DLC1: variants seen among roughly 807,000 people sequenced by gnomAD.
DLC1 encodes the protein rho GTPase-activating protein 7.
In DLC1, 54 loss-of-function variants were observed where a neutral mutation model predicts 140.3. That is an observed-to-expected ratio of 0.38 (90% CI 0.31 to 0.48). The LOEUF (loss-of-function observed/expected upper bound fraction) is 0.48, where lower values mean the gene tolerates loss of function less well. Among genes scored for constraint, DLC1 ranks in the 20% least tolerant of loss-of-function variants. The pLI, the probability that DLC1 is intolerant of heterozygous loss-of-function variation, is 0.96. For missense variants in DLC1, 2,536 were observed against 1,907.0 expected (o/e 1.33, Z -6.14); for synonymous variants, 986 against 728.1 (o/e 1.35, Z -5.70).
rs569239485 is a variant in DLC1 at position 13,206,877 on chromosome 8, C to G, written c.1349-91220G>C. Among the ~76,000 whole-genome samples the G allele has an allele frequency of 9.1e-4, 139 of 152,046 alleles. 1 individual carries two copies. The highest frequency in any genetic ancestry group is 7.1e-3 in the East Asian group (37 of 5,176). ...TTACTAATTTTTTTTTTACAAAAATCAAATAACTCAAATTTACTGACATTT... is the reference window on the plus strand; with the variant it reads ...TTACTAATTTTTTTTTTACAAAAATGAAATAACTCAAATTTACTGACATTT... On this transcript the variant is annotated intron_variant, in intron 5 of 17. Coordinates refer to ENST00000276297, the MANE Select transcript of DLC1 (RefSeq NM_182643.3).
intron 4 of DLC1, among the ~76,000 whole-genome samples, chr8:13,329,006 G>A (rs1191861377): frequency 6.6e-6 from 1 of 152,162 alleles, no homozygotes; most frequent in Non-Finnish European, 1.5e-5. Context: ...AGTTGAAGAG[G>A]AAGCTGGAGG....
chr8:13,297,157 TCAACCACAGC>T (rs1403496621), intron 5 of DLC1, among the ~76,000 whole-genome samples: 1 of 150,934 alleles, frequency 6.6e-6, no homozygotes, highest in Non-Finnish European at 1.5e-5. Context: ...AACAGCCCAG[TCAACCACAGC>T]CAACTTTTCA....
chr8:13,466,176 C>T (rs748436498), intron 2 of DLC1, among the ~76,000 whole-genome samples: 2 of 152,162 alleles, frequency 1.3e-5, no homozygotes. Flanking sequence ...CATGGGAATC[C>T]TGCTTAGGTA....
At chr8:13,572,317 C>T (rs1278319174) in intron 1 of DLC1, among the ~76,000 whole-genome samples, 1 of 152,060 alleles carries the variant, frequency 6.6e-6, no homozygotes, top group African/African-American at 2.4e-5. Context: ...TCTCGATCTC[C>T]TGACCTTGTG....
At chr8:13,479,861 G>GGAAA in intron 2 of DLC1, among the ~76,000 whole-genome samples, 1 of 14,338 alleles carries the variant, frequency 7.0e-5, no homozygotes, top group Middle Eastern at 0.05. Flanking sequence ...AAGAAGAAGA[G>GGAAA]AAAAAGAAAG....
chr8:13,236,313 T>C (rs1000919624), intron 5 of DLC1, among the ~76,000 whole-genome samples: 1 of 152,112 alleles, frequency 6.6e-6, no homozygotes, highest in Admixed American at 6.5e-5. Flanking sequence ...TTATTTCTTT[T>C]AACAATCTTA....
chr8:13,100,717 G>T lies in DLC1; in HGVS notation c.1620C>A (p.Phe540Leu). Residue 540 changes from phenylalanine (F) to leucine (L), a missense_variant, in exon 9 of 18, where the codon TTC (phenylalanine) becomes TTA (leucine). Phe to Leu is a conservative substitution (Grantham distance 22). Coordinates refer to ENST00000276297, the MANE Select transcript of DLC1 (RefSeq NM_182643.3). ...EPCAISGKWT[F>L]QRDSKRWSRL... is the part of the protein sequence containing the mutation. ...GGGACCACCTCTTGCTGTCCCTTTG[G>T]AAAGTCCATTTGCCACTGATGGCAC... 6.2e-7 allele frequency: 1 copy of T among 1,606,808 alleles called. No homozygotes were observed. The highest frequency in any genetic ancestry group is 8.5e-7 in the Non-Finnish European group (1 of 1,176,890).
chr8:13,354,478 A>C (rs1834828507), intron 4 of DLC1, among the ~76,000 whole-genome samples: 1 of 151,346 alleles, frequency 6.6e-6, no homozygotes, highest in Non-Finnish European at 1.5e-5. Flanking sequence ...AATAATTATA[A>C]AATATTTTAG....
chr8:13,420,811 G>C (rs1352538432), intron 2 of DLC1, among the ~76,000 whole-genome samples: 1 of 152,012 alleles, frequency 6.6e-6, no homozygotes, highest in African/African-American at 2.4e-5. Context: ...GACCTTTATA[G>C]TGGCTCCATA....
At chr8:13,544,189 CACACACAA>C (rs1360390172) in intron 1 of DLC1, among the ~76,000 whole-genome samples, 1 of 129,258 alleles carries the variant, frequency 7.7e-6, no homozygotes, top group African/African-American at 2.6e-5. Context: ...CTCTCTTACA[CACACACAA>C]ACACACACAC....
At chr8:13,237,939 C>T (rs544483864) in intron 5 of DLC1, among the ~76,000 whole-genome samples, 2 of 150,048 alleles carry the variant, frequency 1.3e-5, no homozygotes, top group East Asian at 3.9e-4. Flanking sequence ...AGAGCAAGAG[C>T]AAGAAAGAAA....
At chr8:13,558,172 G>A (rs1436753948) in intron 1 of DLC1, 1 of 152,176 alleles carries the variant, frequency 6.6e-6, no homozygotes, top group Non-Finnish European at 1.5e-5. Context: ...TTAATTCTTG[G>A]AGCAGGTGCT....
chr8:13,491,899 C>T (rs1015260538), intron 2 of DLC1, among the ~76,000 whole-genome samples: 35 of 152,172 alleles, frequency 2.3e-4, no homozygotes, highest in African/African-American at 8.2e-4. Flanking sequence ...GACATGCATT[C>T]GTTCTAGCAT....
At chr8:13,346,928 G>C (rs1159539160) in intron 4 of DLC1, among the ~76,000 whole-genome samples, 3 of 152,224 alleles carry the variant, frequency 2.0e-5, no homozygotes, top group Non-Finnish European at 2.9e-5. Context: ...ACCGTGGTCT[G>C]AAAATAGTGA....
At position 13,300,551 on chromosome 8, in the gene DLC1, G is replaced by A. The variant is rs73663529; in HGVS notation, c.1348+4718C>T. ...TCTCGTCCTCTTCGTGGCTGAATGA[G>A]GAAGACAGAAAGGAGGGAAGTCCTT... On this transcript the variant is annotated intron_variant, in intron 5 of 17. Coordinates refer to ENST00000276297, the MANE Select transcript of DLC1 (RefSeq NM_182643.3). 5.2e-3 allele frequency among the ~76,000 whole-genome samples: 794 copies of A among 152,256 alleles called. 13 individuals are homozygous for A. The highest frequency in any genetic ancestry group is 0.017 in the African/African-American group (713 of 41,548).
At chr8:13,305,857 T>C (rs1210095404) in intron 4 of DLC1, among the ~76,000 whole-genome samples, 1 of 150,402 alleles carries the variant, frequency 6.6e-6, no homozygotes, top group Non-Finnish European at 1.5e-5. Flanking sequence ...ACTAACAACA[T>C]TGGCAATAAA....
At chr8:13,394,488 CT>C (rs61324396) in intron 3 of DLC1, among the ~76,000 whole-genome samples, 11,280 of 152,098 alleles carry the variant, frequency 0.074, 1,390 homozygotes, top group African/African-American at 0.26. Flanking sequence ...TCTGCAAAGG[CT>C]GCGCATTTAA....
At chr8:13,439,135 G>C (rs7007261) in intron 2 of DLC1, among the ~76,000 whole-genome samples, 12,298 of 152,116 alleles carry the variant, frequency 0.081, 642 homozygotes, top group African/African-American at 0.14. Flanking sequence ...GACCATCCTG[G>C]CAAACATGGT....
chr8:13,148,306 C>T (rs1329119005), intron 5 of DLC1, among the ~76,000 whole-genome samples: 1 of 152,088 alleles, frequency 6.6e-6, no homozygotes, highest in Non-Finnish European at 1.5e-5. Flanking sequence ...TCAAGTAGAC[C>T]TCAGTGTCTC....
Sources: gnomAD v4.1 joint callset for allele counts (sites outside exome capture counted in the v4.1 genomes callset) on GRCh38, gnomAD v4.1.1 for gene constraint, MANE v1.5 for transcripts, NCBI Gene and HGNC (gene_info 2026-07-23, HGNC 2026-07-21) for gene names.